Variants in REC8 observed in about 807,000 individuals in gnomAD.
REC8 encodes the protein meiotic recombination protein REC8 homolog.
REC8 carries 42 observed loss-of-function variants against 78.3 expected under a neutral mutation model. That is an observed-to-expected ratio of 0.54 (90% CI 0.42 to 0.69). The LOEUF is 0.69. Among genes scored for constraint, REC8 ranks in the 30% least tolerant of loss-of-function variants. The probability of loss-of-function intolerance (pLI) is 0.00; values close to 1 mark genes in which losing one functional copy is unlikely to be tolerated. For missense variants in REC8, 581 were observed against 715.8 expected, an observed-to-expected ratio of 0.81 and a Z score of 2.15; for synonymous variants, 268 against 274.1, an observed-to-expected ratio of 0.98 and a Z score of 0.22.
chr14:24,177,495 T>C lies in REC8; in HGVS notation c.768T>C (p.Pro256=), dbSNP rs1179605901. The C allele has an allele frequency of 6.2e-7, 1 of 1,614,038 alleles. No individual in the cohort carries two copies. The highest frequency in any genetic ancestry group is 1.1e-5 in the South Asian group (1 of 91,078). Residue 256 remains proline (P), a synonymous_variant, in exon 10 of 19, where the codon CCT becomes CCC. Transcript: ENST00000611366. The part of the protein sequence containing the change: ...EVEGIGEALG[P]EELRLTGWEP... The stretch of plus-strand genomic sequence containing the variant: ...AAGGAATAGGAGAGGCACTGGGTCC[T>C]GAGGAGCTGAGGCTGACAGGCTGGG...
Position 24,180,035 on chromosome 14 carries a change from C to A in REC8, c.1584C>A (p.His528Gln). Reference sequence around the variant, plus strand: ...TGCTCTCAGCGCAACAGATTCTTCACGTGAAACAAGAAAAGCCATATGGTC... The same window carrying A: ...TGCTCTCAGCGCAACAGATTCTTCAAGTGAAACAAGAAAAGCCATATGGTC... ...LLVLSAQQIL[H>Q]VKQEKPYGRL... The change falls in exon 19 of 19, where the codon CAC becomes CAA. Residue 528 changes from histidine (H) to glutamine (Q), a missense_variant. Transcript: ENST00000611366. 1.2e-6 allele frequency: 2 copies of A among 1,614,142 alleles called. No individual in the cohort carries two copies. The highest frequency in any genetic ancestry group is 1.7e-6 in the Non-Finnish European group (2 of 1,180,026).
At chr14:24,179,762 G>A (rs745901889) in intron 17 of REC8, 36 bp downstream of exon 17, 152 of 1,614,006 alleles carry the variant, frequency 9.4e-5, no homozygotes, top group Non-Finnish European at 1.1e-4. Context: ...GGGTGGACCC[G>A]GGCTGAAGCC....
rs541776858 is a variant in REC8 at position 24,179,423 on chromosome 14, G to A, written c.1279G>A (p.Glu427Lys). Residue 427 changes from glutamate to lysine, a missense_variant, in exon 16 of 19, where the codon GAG (glutamate) becomes AAG (lysine). By Grantham distance (56) the Glu-to-Lys change is moderately conservative. Transcript: ENST00000611366. Reference sequence around the variant, plus strand: ...GATCTCCCTAGAGGCAGCTGAAGAGGAGAAGTCCCGCATCAGCCTCATCCC... The same window carrying A: ...GATCTCCCTAGAGGCAGCTGAAGAGAAGAAGTCCCGCATCAGCCTCATCCC... ...LEISLEAAEE[E>K]KSRISLIPPE... 1.2e-6 allele frequency: 2 copies of A among 1,614,098 alleles called. No individual in the cohort carries two copies. Among genetic ancestry groups the A allele is most frequent in the South Asian group, 1.1e-5 (1 of 91,068 alleles).
intron 5 of REC8, among the ~76,000 whole-genome samples, chr14:24,174,100 T>C (rs767721113): frequency 1.3e-5 from 2 of 151,906 alleles, no homozygotes; most frequent in Non-Finnish European, 1.5e-5. Context: ...CCTGACCTCA[T>C]GATCTGCCTG....
At position 24,179,733 on chromosome 14, in the gene REC8, G is replaced by A; in HGVS notation, c.1451+7G>A. The A allele has an allele frequency of 6.2e-7, 1 of 1,614,226 alleles. No homozygotes were observed. Among genetic ancestry groups the A allele is most frequent in the Non-Finnish European group, 8.5e-7 (1 of 1,180,044 alleles). Reference sequence around the variant, plus strand: ...CACTGGAAGCAGTGCACAGGTACCAGGGAGGTGGCACCTTGATGGGGTGGA... The same window carrying A: ...CACTGGAAGCAGTGCACAGGTACCAAGGAGGTGGCACCTTGATGGGGTGGA... On this transcript the variant is annotated splice_region_variant and intron_variant, in intron 17 of 18. Transcript: ENST00000611366.
At position 24,172,188 on chromosome 14, in the gene REC8, AG is replaced by A. The variant is rs1271826835; in HGVS notation, c.-363del. 2 of 271,554 alleles carry A rather than the reference AG, an allele frequency of 7.4e-6. No individual in the cohort carries two copies. The highest frequency in any genetic ancestry group is 4.4e-5 in the African/African-American group (2 of 45,094). 16.8% of individuals were successfully genotyped at this position (271,554 alleles called of 1,614,324 possible). A position where few individuals can be genotyped will look rare whatever the true frequency, so the allele number is the denominator to read the frequency against. On this transcript the variant is annotated 5_prime_UTR_variant, in exon 1 of 19. Coordinates refer to ENST00000611366, the MANE Select transcript of REC8 (RefSeq NM_001048205.2). ...GCTCGAGGACCGAGGCCTGCTGTGG[AG>A]GACACCGTGCTCCCTCGGGACCTGC... is the stretch of plus-strand genomic sequence containing the variant.
chr14:24,172,804 A>C (rs1485775610), intron 2 of REC8, 23 bp downstream of exon 2: 8 of 1,614,066 alleles, frequency 5.0e-6, no homozygotes, highest in Non-Finnish European at 6.8e-6. Context: ...AAAGGGAAGG[A>C]GGGCCTGGTG....
At chr14:24,178,002 G>C in intron 11 of REC8, 89 bp from the exon 12 acceptor site, 1 of 1,537,012 alleles carries the variant, frequency 6.5e-7, no homozygotes, top group South Asian at 1.3e-5. Context: ...CTCTAGGGGC[G>C]GGTGTGGGGT....
rs1419336143 is a variant in REC8, at chr14:24,179,105, G to A, written c.1224G>A (p.Glu408=). ...SEIEVPREAL[E]PSVPLMVSLE... ...CCCAGGTCCCGAGGGAGGCCCTGGA[G>A]CCCAGTGTTCCCCTTATGGTGTCTT... Residue 408 remains glutamate, a synonymous_variant, in exon 15 of 19, where the codon GAG becomes GAA. Transcript: ENST00000611366. 6.3e-7 allele frequency: 1 copy of A among 1,588,778 alleles called. No homozygotes were observed. Among genetic ancestry groups the A allele is most frequent in the Admixed American group, 1.8e-5 (1 of 54,786 alleles).
chr14:24,177,728 G>A lies in REC8; in HGVS notation c.834G>A (p.Glu278=), dbSNP rs778534885. 4 of 1,611,330 alleles carry A rather than the reference G, an allele frequency of 2.5e-6. No individual in the cohort carries two copies. Among genetic ancestry groups the A allele is most frequent in the Non-Finnish European group, 2.5e-6 (3 of 1,178,660 alleles). Residue 278 remains glutamate (E), a synonymous_variant, in exon 11 of 19, where the codon GAG becomes GAA. Coordinates refer to ENST00000611366, the MANE Select transcript of REC8 (RefSeq NM_001048205.2). ...TTGCAGAGGTGACCCCCCCGGAGGA[G>A]CTGCGTCTGCCAGCCCCACCCAGCC... The part of the protein sequence containing the change: ...ALLMEVTPPE[E]LRLPAPPSPE...
At chr14:24,174,823 C>T (rs2038819301) in intron 5 of REC8, among the ~76,000 whole-genome samples, 1 of 152,094 alleles carries the variant, frequency 6.6e-6, no homozygotes, top group South Asian at 2.1e-4. Context: ...TTAGCCGGAA[C>T]CAAATGCAGT....
chr14:24,175,337 T>A, intron 5 of REC8: 1 of 510,056 alleles, frequency 2.0e-6, no homozygotes, highest in Non-Finnish European at 3.6e-6. Flanking sequence ...GCTAGATAAC[T>A]GGGGTGCGGG....
At chr14:24,173,541 G>T in intron 5 of REC8, 130 bp downstream of exon 5, 1 of 1,515,458 alleles carries the variant, frequency 6.6e-7, no homozygotes, top group Non-Finnish European at 8.8e-7. Flanking sequence ...GGTGCAGGGG[G>T]ACTGCCAAGG....
chr14:24,175,699 C>T (rs1193497275), intron 6 of REC8, 75 bp downstream of exon 6: 19 of 1,181,290 alleles, frequency 1.6e-5, no homozygotes, highest in Middle Eastern at 2.3e-4. Context: ...CATTTTTGAG[C>T]TTAAGAGCCA....
intron 11 of REC8, 82 bp downstream of exon 11, chr14:24,177,840 T>TGTG (rs1012635940): frequency 6.7e-7 from 1 of 1,491,986 alleles, no homozygotes; most frequent in African/African-American, 1.4e-5. Flanking sequence ...CCAGGGCCAC[T>TGTG]GCTAGCTTAC....
intron 5 of REC8, 117 bp from the exon 6 acceptor site, chr14:24,175,426 C>A: frequency 1.3e-6 from 1 of 795,322 alleles, no homozygotes; most frequent in Non-Finnish European, 2.1e-6. Flanking sequence ...GATGTCAATG[C>A]AACAAGAATT....
chr14:24,175,634 G>A lies in REC8; in HGVS notation c.544+10G>A, dbSNP rs1441342042. Reference sequence around the variant, plus strand: ...GAGCCCAGGGAGCCAGGTCAGCAGAGAGAACCTTCTTTCTGGTGAGAGGCA... The same window carrying A: ...GAGCCCAGGGAGCCAGGTCAGCAGAAAGAACCTTCTTTCTGGTGAGAGGCA... On this transcript the variant is annotated intron_variant, in intron 6 of 18. Transcript: ENST00000611366. The A allele has an allele frequency of 1.9e-6, 3 of 1,603,174 alleles. No individual in the cohort carries two copies. The East Asian group carries it at 6.7e-5, about 36-fold the overall frequency.
intron 15 of REC8, 71 bp downstream of exon 15, chr14:24,179,204 T>C: frequency 7.3e-7 from 1 of 1,377,906 alleles, no homozygotes; most frequent in Non-Finnish European, 1.0e-6. Context: ...GTATCCCAAC[T>C]GCTGAAGCTG....
chr14:24,177,255 G>C, intron 8 of REC8, 33 bp downstream of exon 8: 1 of 1,612,790 alleles, frequency 6.2e-7, no homozygotes, highest in South Asian at 1.1e-5. Context: ...GGCCCGCCTG[G>C]AGCTGGATAG....
Sources: allele counts gnomAD v4.1 joint callset (sites outside exome capture counted in the v4.1 genomes callset), GRCh38; gene constraint gnomAD v4.1.1; transcripts MANE v1.5; gene names NCBI Gene and HGNC (gene_info 2026-07-23, HGNC 2026-07-21).